The following AKTIP variants were observed in gnomAD, a reference collection of about 807,000 sequenced individuals.
The protein encoded by AKTIP is AKT-interacting protein.
In AKTIP, 16 loss-of-function variants were observed where a neutral mutation model predicts 39.1. The ratio of observed to expected loss-of-function variants is 0.41; its 90% confidence interval spans 0.28 to 0.62. The LOEUF is 0.62. Among genes scored for constraint, AKTIP ranks in the 20% least tolerant of loss-of-function variants. AKTIP has a pLI of 0.32. For synonymous variants in AKTIP, 93 were observed against 124.3 expected (o/e 0.75, Z 1.67); for missense variants, 262 against 356.6 (o/e 0.73, Z 2.14).
chr16:53,492,428 T>C lies in AKTIP; in HGVS notation c.863A>G (p.Lys288Arg). The change falls in exon 10 of 10, where the codon AAA becomes AGA. Residue 288 changes from lysine to arginine, a missense_variant. Physicochemically the swap from Lys to Arg is conservative, Grantham distance 26. Around this residue, in one of 4 missense-constraint regions of AKTIP, gnomAD observed 145 missense variants for 159.3 expected, o/e 0.91. Coordinates refer to ENST00000394657, the MANE Select transcript of AKTIP (RefSeq NM_022476.4). ...CACCATCTCTTAAGTCGCCACTGTT[T>C]TCTCTTCTTTACTGAAAGGCTGTAC... is the stretch of plus-strand genomic sequence containing the variant. Reference protein sequence around the residue: ...GSVQPFSKEEKTVAT With the variant: ...GSVQPFSKEERTVAT The C allele has an allele frequency of 1.9e-6, 3 of 1,612,546 alleles. No homozygotes were observed. The highest frequency in any genetic ancestry group is 1.1e-5 in the South Asian group (1 of 91,014).
At chr16:53,498,150 C>T (rs1021637485) in intron 3 of AKTIP, among the ~76,000 whole-genome samples, 16 of 152,192 alleles carry the variant, frequency 1.1e-4, no homozygotes, top group Non-Finnish European at 1.9e-4. Context: ...CTTATTCACC[C>T]GAGCTCTAAA....
In AKTIP at chr16:53,492,153, C is replaced by T; in HGVS notation, c.*259G>A. On this transcript the variant is annotated 3_prime_UTR_variant, in exon 10 of 10. Transcript: ENST00000394657. The stretch of plus-strand genomic sequence containing the variant: ...CTTTAGCATTATATTCAGAAAAATA[C>T]TTACTTAAGCCTCAAGGTCCCCAAT... 1 of 396,416 alleles carries T rather than the reference C, an allele frequency of 2.5e-6. No individual in the cohort carries two copies. Among genetic ancestry groups the T allele is most frequent in the East Asian group, 4.3e-5 (1 of 23,470 alleles). 24.6% of individuals were successfully genotyped at this position (396,416 alleles called of 1,614,324 possible).
At chr16:53,503,485 G>A (rs1002852247), upstream of AKTIP, among the ~76,000 whole-genome samples, 2 of 152,182 alleles carry the variant, frequency 1.3e-5, no homozygotes, top group Admixed American at 6.5e-5. Context: ...ACAGCGCCTG[G>A]GACGGCCTGT....
chr16:53,495,044 A>C (rs113242092), intron 5 of AKTIP, 29 bp downstream of exon 5: 3 of 1,595,038 alleles, frequency 1.9e-6, no homozygotes, highest in Non-Finnish European at 2.6e-6. Context: ...CTGATCCACA[A>C]ATAAAGCCAG....
Position 53,495,343 on chromosome 16 carries a change from A to G in AKTIP, c.249-17T>C. On this transcript the variant is annotated splice_polypyrimidine_tract_variant and intron_variant, in intron 3 of 9. Transcript: ENST00000394657. ...ACCAAGGTACTACAACAAAAGCAGAATAATTAACTTGTGTGGATACAAATG... is the reference window on the plus strand; with the variant it reads ...ACCAAGGTACTACAACAAAAGCAGAGTAATTAACTTGTGTGGATACAAATG... 6.2e-7 allele frequency: 1 copy of G among 1,613,678 alleles called. No individual in the cohort carries two copies. Among genetic ancestry groups the G allele is most frequent in the South Asian group, 1.1e-5 (1 of 91,074 alleles).
intron 2 of AKTIP, among the ~76,000 whole-genome samples, chr16:53,499,879 A>G (rs1362598314): frequency 6.6e-6 from 1 of 152,226 alleles, no homozygotes; most frequent in Non-Finnish European, 1.5e-5. Flanking sequence ...ATTTAATGAT[A>G]TTAGACTAGC....
chr16:53,498,336 T>C, intron 3 of AKTIP, 55 bp downstream of exon 3: 5 of 1,566,270 alleles, frequency 3.2e-6, no homozygotes, highest in Non-Finnish European at 4.4e-6. Context: ...TAAATTTCAT[T>C]CTTCACTTTA....
At position 53,495,320 on chromosome 16, in the gene AKTIP, C is replaced by T; in HGVS notation, c.255G>A (p.Leu85=). ...CGCCTGGTAGCTTCTGCTTCACAAC[C>T]AAGGTACTACAACAAAAGCAGAATA... ...LEYSLLAEFT[L]VVKQKLPGVY... is the part of the protein sequence containing the mutation. Residue 85 remains leucine, a synonymous_variant, in exon 4 of 10, where the codon TTG becomes TTA. Coordinates refer to ENST00000394657, the MANE Select transcript of AKTIP (RefSeq NM_022476.4). 6.2e-7 allele frequency: 1 copy of T among 1,614,134 alleles called. No individual in the cohort carries two copies. The highest frequency in any genetic ancestry group is 1.6e-4 in the Middle Eastern group (1 of 6,062).
intron 9 of AKTIP, 38 bp downstream of exon 9, chr16:53,492,655 C>CA: frequency 6.2e-7 from 1 of 1,609,904 alleles, no homozygotes; most frequent in South Asian, 1.1e-5. Context: ...AGAAAAGAAA[C>CA]AATGAGTTAG....
intron 1 of AKTIP, among the ~76,000 whole-genome samples, chr16:53,502,364 T>C (rs1962218019): frequency 6.6e-6 from 1 of 152,194 alleles, no homozygotes. Context: ...AATTTTAGAA[T>C]TTCTGCCTGT....
upstream of AKTIP, among the ~76,000 whole-genome samples, chr16:53,503,413 C>A (rs192501628): frequency 2.0e-5 from 3 of 152,220 alleles, no homozygotes; most frequent in African/African-American, 7.2e-5. Context: ...AGAACACACT[C>A]GGTCCTGCAA....
intron 2 of AKTIP, among the ~76,000 whole-genome samples, chr16:53,499,717 C>T (rs1266981425): frequency 6.6e-6 from 1 of 152,112 alleles, no homozygotes; most frequent in Non-Finnish European, 1.5e-5. Flanking sequence ...GCCTCGGCCT[C>T]TCAAAGTGCT....
intron 8 of AKTIP, 33 bp from the exon 9 acceptor site, chr16:53,492,786 T>C: frequency 1.3e-6 from 2 of 1,593,882 alleles, no homozygotes; most frequent in Non-Finnish European, 1.7e-6. Flanking sequence ...AAAAACTATT[T>C]GTTGGCTCAC....
chr16:53,493,277 C>T lies in AKTIP; in HGVS notation c.711-524G>A, dbSNP rs139758944. The stretch of plus-strand genomic sequence containing the variant: ...CTCCCTGGTTCAAGTGATTCTCCTG[C>T]CTCAGCCTTCCTGAGTAGCTGGGAT... On this transcript the variant is annotated intron_variant, in intron 8 of 9. Transcript: ENST00000394657. 1,231 of 157,036 alleles carry T rather than the reference C, an allele frequency of 7.8e-3. 20 individuals carry two copies. The highest frequency in any genetic ancestry group is 0.028 in the African/African-American group (1,153 of 41,580). The allele number at this position is 157,036 out of a possible 1,614,324, so 9.7% of individuals were successfully genotyped here.
chr16:53,503,064 C>G (rs888952566), intron 1 of AKTIP, 83 bp downstream of exon 1: 3 of 152,306 alleles, frequency 2.0e-5, no homozygotes, highest in Non-Finnish European at 4.4e-5. Flanking sequence ...TGGACAAATG[C>G]CGGGCCCGTG....
intron 1 of AKTIP, 53 bp from the exon 2 acceptor site, chr16:53,500,382 T>A (rs1962096273): frequency 1.6e-5 from 4 of 254,806 alleles, no homozygotes; most frequent in East Asian, 1.3e-4. Flanking sequence ...CCATTAAGAC[T>A]TTTTTTTTTT....
rs965522952 is a variant in AKTIP at position 53,501,552 on chromosome 16, A to G, written c.-70-1223T>C. 2.0e-5 allele frequency: 3 copies of G among 152,190 alleles called. No individual in the cohort carries two copies. In the East Asian group the frequency reaches 5.8e-4, roughly 29 times the overall value. The allele number at this position is 152,190 out of a possible 1,614,324, so 9.4% of individuals were successfully genotyped here. A position where few individuals can be genotyped will look rare whatever the true frequency, so the allele number is the denominator to read the frequency against. ...AGCAGAGCTCCTTCTCTGAATTCCT[A>G]CTTGCACCAATCAAACGGCTGAAGG... On this transcript the variant is annotated intron_variant, in intron 1 of 9. Transcript: ENST00000394657.
At chr16:53,494,746 A>C in intron 5 of AKTIP, 141 bp from the exon 6 acceptor site, 1 of 840,574 alleles carries the variant, frequency 1.2e-6, no homozygotes, top group Non-Finnish European at 1.9e-6. Flanking sequence ...AGGGCTACTT[A>C]ACTACTTTTA....
intron 3 of AKTIP, among the ~76,000 whole-genome samples, chr16:53,496,623 A>T (rs979762964): frequency 4.0e-5 from 6 of 151,468 alleles, no homozygotes; most frequent in African/African-American, 1.5e-4. Flanking sequence ...ACTTGAGGTC[A>T]GGAGTTTGAG....
Sources: gnomAD v4.1 joint callset for allele counts (sites outside exome capture counted in the v4.1 genomes callset) on GRCh38, gnomAD v4.1.1 for gene constraint, gnomAD v4.1.1 regional missense constraint, MANE v1.5 for transcripts, NCBI Gene and HGNC (gene_info 2026-07-23, HGNC 2026-07-21) for gene names.